DCC: variants seen among roughly 807,000 people sequenced by gnomAD.
DCC encodes netrin receptor DCC.
A neutral mutation model predicts 172.5 loss-of-function variants in DCC; 58 were observed. The observed-to-expected ratio is 0.34, with a 90% CI of 0.27 to 0.42. DCC has a LOEUF of 0.42. Among genes scored for constraint, DCC ranks in the 10% least tolerant of loss-of-function variants. The pLI is 1.00. For missense variants in DCC, 1,740 were observed against 1,791.0 expected (o/e 0.97, Z 0.51); for synonymous variants, 709 against 644.5 (o/e 1.10, Z -1.52).
chr18:53,026,323 T>C (rs2041954767), intron 5 of DCC, among the ~76,000 whole-genome samples: 1 of 152,174 alleles, frequency 6.6e-6, no homozygotes, highest in Admixed American at 6.5e-5. Flanking sequence ...ATTTGTCTTT[T>C]ATGTCTTATC....
chr18:53,009,927 A>G (rs2041704676), intron 5 of DCC, among the ~76,000 whole-genome samples: 1 of 151,914 alleles, frequency 6.6e-6, no homozygotes, highest in Non-Finnish European at 1.5e-5. Context: ...ACCCAGAGTG[A>G]TTTCTCTAGG....
chr18:53,480,264 C>T (rs2145206698), intron 25 of DCC, among the ~76,000 whole-genome samples: 1 of 152,302 alleles, frequency 6.6e-6, no homozygotes, highest in Admixed American at 6.5e-5. Flanking sequence ...TTGATCTTAA[C>T]ACATAGCTCC....
chr18:52,717,358 CA>C (rs1280990907), intron 1 of DCC, among the ~76,000 whole-genome samples: 1 of 151,528 alleles, frequency 6.6e-6, no homozygotes, highest in Non-Finnish European at 1.5e-5. Context: ...ATTCATTTAA[CA>C]GGCATAGTGA....
At chr18:52,642,048 TG>T (rs2034910761) in intron 1 of DCC, among the ~76,000 whole-genome samples, 1 of 4,992 alleles carries the variant, frequency 2.0e-4, no homozygotes, top group Non-Finnish European at 6.2e-4. Context: ...ATATATATAC[TG>T]TGGTGTGTGT....
At chr18:53,197,145 G>A (rs1444154371) in intron 9 of DCC, among the ~76,000 whole-genome samples, 3 of 152,066 alleles carry the variant, frequency 2.0e-5, no homozygotes, top group Non-Finnish European at 4.4e-5. Flanking sequence ...TTTGAAACAC[G>A]TTCACTAAGC....
At chr18:52,517,337 A>G (rs1218409716) in intron 1 of DCC, among the ~76,000 whole-genome samples, 1 of 152,222 alleles carries the variant, frequency 6.6e-6, no homozygotes, top group Non-Finnish European at 1.5e-5. Context: ...GAATAAAGCC[A>G]TGTGTGGATC....
At chr18:52,791,219 C>A (rs2037761075) in intron 2 of DCC, among the ~76,000 whole-genome samples, 5 of 152,130 alleles carry the variant, frequency 3.3e-5, no homozygotes, top group Admixed American at 3.3e-4. Flanking sequence ...GCTGATTTTG[C>A]AATGCTTGCA....
At chr18:53,186,626 A>C (rs1428073447) in intron 9 of DCC, among the ~76,000 whole-genome samples, 1 of 152,230 alleles carries the variant, frequency 6.6e-6, no homozygotes, top group Admixed American at 6.5e-5. Flanking sequence ...TATGCAGTTC[A>C]TAAGTATTTA....
chr18:53,379,327 G>T (rs1907545958), intron 15 of DCC, among the ~76,000 whole-genome samples: 1 of 152,268 alleles, frequency 6.6e-6, no homozygotes, highest in Non-Finnish European at 1.5e-5. Context: ...AGTGAGTGAA[G>T]TATATAATCT....
intron 1 of DCC, among the ~76,000 whole-genome samples, chr18:52,642,014 G>GTATATATATATATATA (rs1193018662): frequency 8.7e-5 from 3 of 34,504 alleles, no homozygotes; most frequent in African/African-American, 2.6e-4. Context: ...GTGTGTGTGT[G>GTATATATATATATATA]TATATATATA....
intron 12 of DCC, among the ~76,000 whole-genome samples, chr18:53,228,240 A>T (rs2056065443): frequency 6.6e-6 from 1 of 152,160 alleles, no homozygotes. Flanking sequence ...GCATTTAAAG[A>T]AAACGTTGTT....
intron 2 of DCC, among the ~76,000 whole-genome samples, chr18:52,781,030 T>G (rs1412690821): frequency 6.6e-6 from 1 of 152,190 alleles, no homozygotes. Context: ...TCATCAAAGT[T>G]TTTATTAAAT....
intron 12 of DCC, among the ~76,000 whole-genome samples, chr18:53,231,425 ATC>A (rs1187488358): frequency 1.3e-5 from 2 of 152,138 alleles, no homozygotes; most frequent in Non-Finnish European, 2.9e-5. Flanking sequence ...AACTATCAAC[ATC>A]TGTATGTGTA....
intron 7 of DCC, among the ~76,000 whole-genome samples, chr18:53,075,831 A>G (rs2042718331): frequency 6.6e-6 from 1 of 152,114 alleles, no homozygotes; most frequent in South Asian, 2.1e-4. Flanking sequence ...AATGAGATGA[A>G]CTGTAACCCC....
At chr18:52,619,153 G>T (rs1954261011) in intron 1 of DCC, among the ~76,000 whole-genome samples, 1 of 152,086 alleles carries the variant, frequency 6.6e-6, no homozygotes. Context: ...GGCCAGGCTG[G>T]TCTCAAACTC....
intron 1 of DCC, among the ~76,000 whole-genome samples, chr18:52,582,851 A>C (rs2033584007): frequency 6.6e-6 from 1 of 152,200 alleles, no homozygotes; most frequent in African/African-American, 2.4e-5. Flanking sequence ...AGGGAAGAGA[A>C]GAAAATGACA....
rs148237848 is a variant in DCC at position 53,201,708 on chromosome 18, C to G, written c.1574-3508C>G. 4.8e-4 allele frequency among the ~76,000 whole-genome samples: 73 copies of G among 152,228 alleles called. No individual in the cohort carries two copies. The East Asian group carries it at 0.014, about 29-fold the overall frequency. On this transcript the variant is annotated intron_variant, in intron 9 of 28. Transcript: ENST00000442544. ...AGGAAATGTCTGCTTTGTTATAACA[C>G]AATACTAATGCATCACTGTACACTT...
At chr18:52,644,535 C>A (rs1172889617) in intron 1 of DCC, among the ~76,000 whole-genome samples, 1 of 149,320 alleles carries the variant, frequency 6.7e-6, no homozygotes, top group African/African-American at 2.5e-5. Context: ...ACCGAGATTG[C>A]GCCACCGTAC....
At chr18:52,545,605 T>A (rs1005722993) in intron 1 of DCC, among the ~76,000 whole-genome samples, 1 of 152,190 alleles carries the variant, frequency 6.6e-6, no homozygotes, top group Non-Finnish European at 1.5e-5. Flanking sequence ...TGTACCCGGA[T>A]AATAGTATAA....
Sources: allele counts gnomAD v4.1 joint callset (sites outside exome capture counted in the v4.1 genomes callset), GRCh38; gene constraint gnomAD v4.1.1; transcripts MANE v1.5; gene names NCBI Gene and HGNC (gene_info 2026-07-23, HGNC 2026-07-21).